The following GOLGB1 variants were observed in gnomAD, a reference collection of about 807,000 sequenced individuals.
The protein encoded by GOLGB1 is golgin subfamily B member 1.
Under a neutral mutation model 336.9 loss-of-function variants are expected in GOLGB1, and 174 were observed. That is an observed-to-expected ratio of 0.52 (90% CI 0.46 to 0.59). The LOEUF (loss-of-function observed/expected upper bound fraction) is 0.59. Ranked by LOEUF, GOLGB1 falls within the 20% of genes least tolerant of loss-of-function variation. The pLI, the probability that GOLGB1 is intolerant of heterozygous loss-of-function variation, is 0.00. For synonymous variants in GOLGB1, 1,208 were observed against 1,289.2 expected (o/e 0.94, Z 1.35); for missense variants, 3,331 against 3,645.3 (o/e 0.91, Z 2.22).
intron 14 of GOLGB1, among the ~76,000 whole-genome samples, chr3:121,685,014 A>G (rs974831496): frequency 3.9e-5 from 6 of 152,338 alleles, no homozygotes; most frequent in South Asian, 4.1e-4. Flanking sequence ...ATGTGGACAA[A>G]TGGCAGTAAA....
In GOLGB1 at chr3:121,692,006, A is replaced by T. The variant is rs1196835530; in HGVS notation, c.7358T>A (p.Ile2453Asn). Residue 2453 changes from isoleucine (I) to asparagine (N), a missense_variant, in exon 14 of 22, where the codon ATC becomes AAC. By Grantham distance (149) the Ile-to-Asn change is moderately radical (BLOSUM62 -3). Transcript: ENST00000614479. Reference protein sequence around the residue: ...TNQLMETLKTIKKENIQQKAQ... With the variant: ...TNQLMETLKTNKKENIQQKAQ... ...CTTTTGCTGAATGTTTTCCTTTTTG[A>T]TGGTTTTCAGTGTTTCCATAAGCTG... 6.2e-7 allele frequency: 1 copy of T among 1,613,580 alleles called. No homozygotes were observed. Among genetic ancestry groups the T allele is most frequent in the Non-Finnish European group, 8.5e-7 (1 of 1,179,862 alleles).
chr3:121,707,007 T>C (rs937166480), intron 10 of GOLGB1, among the ~76,000 whole-genome samples: 3 of 146,854 alleles, frequency 2.0e-5, no homozygotes, highest in Non-Finnish European at 4.5e-5. Context: ...GGTCAAGAGA[T>C]TGAGATCATC....
intron 8 of GOLGB1, among the ~76,000 whole-genome samples, chr3:121,717,632 CAA>C (rs1360245731): frequency 2.6e-5 from 4 of 152,088 alleles, no homozygotes; most frequent in African/African-American, 9.7e-5. Context: ...CCTTCATACT[CAA>C]GAGAATATTG....
intron 4 of GOLGB1, among the ~76,000 whole-genome samples, chr3:121,728,673 A>G (rs1945846855): frequency 6.6e-6 from 1 of 152,232 alleles, no homozygotes; most frequent in African/African-American, 2.4e-5. Context: ...GGCTGCAGTC[A>G]TAAACCTAGT....
At position 121,694,528 on chromosome 3, in the gene GOLGB1, T is replaced by C. The variant is rs911875764; in HGVS notation, c.5995A>G (p.Ile1999Val). The C allele has an allele frequency of 6.2e-7, 1 of 1,612,648 alleles. No individual in the cohort carries two copies. The highest frequency in any genetic ancestry group is 8.5e-7 in the Non-Finnish European group (1 of 1,179,886). Residue 1999 changes from isoleucine (I) to valine (V), a missense_variant, in exon 13 of 22, where the codon ATA becomes GTA. Transcript: ENST00000614479. ...SEIRKEYLEK[I>V]QGAQKEPGNK... is the part of the protein sequence containing the mutation. Reference sequence around the variant, plus strand: ...CCGGGTTCTTTCTGAGCACCTTGTATTTTCTCCAAATATTCCTTTCGTATT... The same window carrying C: ...CCGGGTTCTTTCTGAGCACCTTGTACTTTCTCCAAATATTCCTTTCGTATT...
intron 17 of GOLGB1, among the ~76,000 whole-genome samples, chr3:121,670,693 T>C (rs919014046): frequency 2.8e-5 from 4 of 143,498 alleles, no homozygotes; most frequent in East Asian, 2.3e-4. Flanking sequence ...CTATCTACTA[T>C]CTGATGGTGT....
chr3:121,715,110 CATT>C lies in GOLGB1; in HGVS notation c.1289-137_1289-135del, dbSNP rs368793501. 2.3e-4 allele frequency: 131 copies of C among 561,468 alleles called. 1 individual carries two copies. In the East Asian group the frequency reaches 3.9e-3, roughly 17 times the overall value. The allele number at this position is 561,468 out of a possible 1,614,324, so 34.8% of individuals were successfully genotyped here. ...GTTAAAATTATGATGCCAATGACAACATTATTATTAGCTAAATGTTAAATGTTC... is the reference window on the plus strand; with the variant it reads ...GTTAAAATTATGATGCCAATGACAACATTATTAGCTAAATGTTAAATGTTC... On this transcript the variant is annotated intron_variant, in intron 9 of 21. Transcript: ENST00000614479.
At chr3:121,688,303 A>AG (rs1011738787) in intron 14 of GOLGB1, among the ~76,000 whole-genome samples, 1 of 152,118 alleles carries the variant, frequency 6.6e-6, no homozygotes, top group Non-Finnish European at 1.5e-5. Context: ...CTTCTGCCTC[A>AG]GCCTGCCGAG....
At position 121,719,683 on chromosome 3, in the gene GOLGB1, A is replaced by G. The variant is rs769016225; in HGVS notation, c.734T>C (p.Leu245Ser). The G allele has an allele frequency of 1.1e-5, 17 of 1,610,828 alleles. No individual in the cohort carries two copies. The highest frequency in any genetic ancestry group is 1.7e-4 in the Middle Eastern group (1 of 6,052). ...VRLHEDELLQ[L>S]VTQADVETEM... ...TGTTTCCACATCTGCCTGGGTTACTAACTGAAGAAGCTCATCTTCATGAAG... is the reference window on the plus strand; with the variant it reads ...TGTTTCCACATCTGCCTGGGTTACTGACTGAAGAAGCTCATCTTCATGAAG... The change falls in exon 7 of 22, where the codon TTA (leucine) becomes TCA (serine). Residue 245 changes from leucine to serine, a missense_variant. Transcript: ENST00000614479.
chr3:121,729,005 T>C (rs1945873131), intron 4 of GOLGB1, 183 bp downstream of exon 4: 1 of 416,800 alleles, frequency 2.4e-6, no homozygotes, highest in Non-Finnish European at 4.3e-6. Context: ...CTGTACATCT[T>C]TCATTCTCCC....
In GOLGB1 at chr3:121,697,754, A is replaced by G. The variant is rs1943075113; in HGVS notation, c.2769T>C (p.Asn923=). The change falls in exon 13 of 22, where the codon AAT becomes AAC. Residue 923 remains asparagine (N), a synonymous_variant. Transcript: ENST00000614479. ...FSMTEKMVQL[N]EEKFSLGVEI... is the part of the protein sequence containing the mutation. Reference sequence around the variant, plus strand: ...CAACCCCAAGAGAAAACTTCTCTTCATTAAGCTGAACCATTTTCTCAGTCA... The same window carrying G: ...CAACCCCAAGAGAAAACTTCTCTTCGTTAAGCTGAACCATTTTCTCAGTCA... 6.2e-7 allele frequency: 1 copy of G among 1,613,860 alleles called. No homozygotes were observed. Among genetic ancestry groups the G allele is most frequent in the South Asian group, 1.1e-5 (1 of 91,072 alleles).
At chr3:121,735,687 T>C (rs189690218) in intron 1 of GOLGB1, among the ~76,000 whole-genome samples, 2 of 152,338 alleles carry the variant, frequency 1.3e-5, no homozygotes, top group South Asian at 2.1e-4. Flanking sequence ...TATGAACTCA[T>C]GTTTATTTTA....
intron 10 of GOLGB1, among the ~76,000 whole-genome samples, chr3:121,704,227 G>C (rs886844049): frequency 6.6e-6 from 1 of 152,006 alleles, no homozygotes; most frequent in Non-Finnish European, 1.5e-5. Context: ...GACAGAATGG[G>C]AAGAAAAAAT....
intron 16 of GOLGB1, 44 bp from the exon 17 acceptor site, chr3:121,677,074 G>A (rs376071189): frequency 1.8e-5 from 29 of 1,610,198 alleles, no homozygotes; most frequent in African/African-American, 8.0e-5. Flanking sequence ...CTAAGATTGC[G>A]CATGCTTAAT....
Position 121,696,434 on chromosome 3 carries a change from T to C in GOLGB1, c.4089A>G (p.Thr1363=), listed in dbSNP as rs757274193. Residue 1363 remains threonine, a synonymous_variant, in exon 13 of 22, where the codon ACA becomes ACG. Transcript: ENST00000614479. ...CATGGACTTCAGCTTCATGGGATAC[T>C]GTCTTTAGACTCTCGATTTCTAAAC... The part of the protein sequence containing the change: ...KQGLEIESLK[T]VSHEAEVHAE... The C allele has an allele frequency of 1.2e-6, 2 of 1,614,150 alleles. No individual in the cohort carries two copies. The highest frequency in any genetic ancestry group is 1.7e-5 in the Admixed American group (1 of 60,028).
intron 1 of GOLGB1, among the ~76,000 whole-genome samples, chr3:121,747,517 G>T (rs1422282661): frequency 6.6e-6 from 1 of 150,696 alleles, no homozygotes; most frequent in Non-Finnish European, 1.5e-5. Context: ...AATGGGGACA[G>T]GCTAAATACT....
intron 10 of GOLGB1, among the ~76,000 whole-genome samples, chr3:121,704,065 G>C (rs1009066790): frequency 6.6e-6 from 1 of 151,646 alleles, no homozygotes; most frequent in South Asian, 2.1e-4. Context: ...AAGTCTTGGT[G>C]AATTGAGGAT....
At chr3:121,677,080 T>G (rs1027019329) in intron 16 of GOLGB1, 50 bp from the exon 17 acceptor site, 9 of 1,607,302 alleles carry the variant, frequency 5.6e-6, no homozygotes, top group Non-Finnish European at 7.7e-6. Context: ...TTGCGCATGC[T>G]TAATTCCTTC....
At chr3:121,720,966 G>A (rs1945151476) in intron 6 of GOLGB1, among the ~76,000 whole-genome samples, 1 of 152,116 alleles carries the variant, frequency 6.6e-6, no homozygotes, top group African/African-American at 2.4e-5. Context: ...TATTCGGAAA[G>A]CCTTAAATTA....
Sources: allele counts gnomAD v4.1 joint callset (sites outside exome capture counted in the v4.1 genomes callset), GRCh38; gene constraint gnomAD v4.1.1; transcripts MANE v1.5; gene names NCBI Gene and HGNC (gene_info 2026-07-23, HGNC 2026-07-21).